The following XRCC4 variants were observed in gnomAD, a reference collection of about 807,000 sequenced individuals.
XRCC4 encodes the protein X-ray repair cross complementing 4, also known as DNA repair protein XRCC4.
A neutral mutation model predicts 39.1 loss-of-function variants in XRCC4; 28 were observed. That is an observed-to-expected ratio of 0.72 (90% CI 0.53 to 0.98). XRCC4 has a LOEUF of 0.98. Among genes scored for constraint, XRCC4 ranks in the 50% least tolerant of loss-of-function variants. The pLI, the probability that XRCC4 is intolerant of heterozygous loss-of-function variation, is 0.00. For synonymous variants in XRCC4, 123 were observed against 126.4 expected (o/e 0.97, Z 0.18); for missense variants, 350 against 376.4 (o/e 0.93, Z 0.58).
intron 7 of XRCC4, among the ~76,000 whole-genome samples, chr5:83,264,425 T>G (rs1179290445): frequency 6.6e-6 from 1 of 152,156 alleles, no homozygotes; most frequent in Non-Finnish European, 1.5e-5. Flanking sequence ...ATGTTTTTAT[T>G]ATTAATGTTA....
intron 6 of XRCC4, among the ~76,000 whole-genome samples, chr5:83,232,752 CA>C (rs1320677046): frequency 1.3e-5 from 2 of 151,618 alleles, no homozygotes; most frequent in African/African-American, 2.4e-5. Flanking sequence ...AATTTCTGGT[CA>C]AAAAAAATAA....
chr5:83,151,644 AT>A (rs1748708949), intron 3 of XRCC4, among the ~76,000 whole-genome samples: 1 of 152,280 alleles, frequency 6.6e-6, no homozygotes, highest in South Asian at 2.1e-4. Flanking sequence ...TGGATTGGGG[AT>A]AAAAATAAAT....
At chr5:83,264,102 G>A (rs1473242511) in intron 7 of XRCC4, among the ~76,000 whole-genome samples, 3 of 152,166 alleles carry the variant, frequency 2.0e-5, no homozygotes, top group Non-Finnish European at 4.4e-5. Context: ...ATAAGGTATT[G>A]TCTTCCTGAA....
rs529538530 is a variant in XRCC4, at chr5:83,272,721, C to T, written c.893+14044C>T. On this transcript the variant is annotated intron_variant, in intron 7 of 7. Transcript: ENST00000396027. The stretch of plus-strand genomic sequence containing the variant: ...GTTAGTTTGCTGAAAATGATAGTGT[C>T]CAACTTCATCCATGTCCCTGCAAAT... 1.1e-3 allele frequency among the ~76,000 whole-genome samples: 163 copies of T among 152,210 alleles called. 1 individual carries two copies. The highest frequency in any genetic ancestry group is 3.8e-3 in the African/African-American group (156 of 41,526).
At chr5:83,224,778 A>G (rs1752226335) in intron 6 of XRCC4, among the ~76,000 whole-genome samples, 1 of 152,136 alleles carries the variant, frequency 6.6e-6, no homozygotes, top group African/African-American at 2.4e-5. Flanking sequence ...GAATTATTCA[A>G]TTCAGATATA....
chr5:83,362,706 T>G, the XRCC4 span, among the ~76,000 whole-genome samples: 1 of 152,218 alleles, frequency 6.6e-6, no homozygotes, highest in Non-Finnish European at 1.5e-5. Context: ...TACCAGTAAC[T>G]TTCACGATTT....
intron 3 of XRCC4, among the ~76,000 whole-genome samples, chr5:83,120,695 G>A (rs1193840217): frequency 6.6e-6 from 1 of 152,176 alleles, no homozygotes; most frequent in Non-Finnish European, 1.5e-5. Context: ...AATATCTGGT[G>A]ATTTCAAGTT....
At chr5:83,213,140 T>C (rs1415482076) in intron 6 of XRCC4, among the ~76,000 whole-genome samples, 1 of 151,990 alleles carries the variant, frequency 6.6e-6, no homozygotes, top group Non-Finnish European at 1.5e-5. Flanking sequence ...TAACCAATAG[T>C]TTTATATCCA....
intron 3 of XRCC4, among the ~76,000 whole-genome samples, chr5:83,130,452 A>T (rs1160683787): frequency 6.6e-6 from 1 of 152,136 alleles, no homozygotes; most frequent in Admixed American, 6.6e-5. Flanking sequence ...TGTCTCTGCC[A>T]GGCTTTGGTA....
At chr5:83,164,301 A>C (rs1749355428) in intron 3 of XRCC4, among the ~76,000 whole-genome samples, 1 of 152,164 alleles carries the variant, frequency 6.6e-6, no homozygotes, top group African/African-American at 2.4e-5. Context: ...GTTGTGCCTC[A>C]GAGGAATTTT....
chr5:83,331,015 C>T (rs1756421815), intron 7 of XRCC4, among the ~76,000 whole-genome samples: 1 of 152,044 alleles, frequency 6.6e-6, no homozygotes, highest in African/African-American at 2.4e-5. Context: ...CCCTACCTAC[C>T]TCATCATTAA....
At chr5:83,102,796 A>G (rs760687940) in intron 1 of XRCC4, among the ~76,000 whole-genome samples, 1 of 151,820 alleles carries the variant, frequency 6.6e-6, no homozygotes, top group Non-Finnish European at 1.5e-5. Flanking sequence ...GTAACTTTAG[A>G]AGTCTGGTTT....
At chr5:83,218,290 T>C (rs1176248111) in intron 6 of XRCC4, among the ~76,000 whole-genome samples, 1 of 143,186 alleles carries the variant, frequency 7.0e-6, no homozygotes, top group African/African-American at 2.6e-5. Flanking sequence ...TGGTACATAC[T>C]CTGCAACATT....
intron 7 of XRCC4, among the ~76,000 whole-genome samples, chr5:83,351,892 T>G (rs1757095480): frequency 6.6e-6 from 1 of 152,174 alleles, no homozygotes; most frequent in South Asian, 2.1e-4. Context: ...TAAACACACT[T>G]GATATTTGGG....
At chr5:83,086,779 G>GT (rs199807130) in intron 1 of XRCC4, among the ~76,000 whole-genome samples, 2,708 of 149,004 alleles carry the variant, frequency 0.018, 69 homozygotes, top group African/African-American at 0.062. Context: ...TTTTTATCTA[G>GT]TTTTTTTTTT....
rs188108011 is a variant in XRCC4, at chr5:83,141,787, C to T, written c.315+30584C>T. Among the ~76,000 whole-genome samples the T allele has an allele frequency of 1.6e-3, 242 of 151,732 alleles. 1 individual carries two copies. Among genetic ancestry groups the T allele is most frequent in the African/African-American group, 4.9e-3 (204 of 41,366 alleles). The stretch of plus-strand genomic sequence containing the variant: ...ATTGTGCTTCTTTGGTGTTGGACTT[C>T]CCAAAATATTAATCTGGAACAGGTA... On this transcript the variant is annotated intron_variant, in intron 3 of 7. Transcript: ENST00000396027.
chr5:83,353,338 C>T lies in XRCC4; in HGVS notation c.*96C>T. ...AATTTCAAGTCAGCAGCCGCTATTA[C>T]CGTATCTTACAATTTAATTACATAC... On this transcript the variant is annotated 3_prime_UTR_variant, in exon 8 of 8. Coordinates refer to ENST00000396027, the MANE Select transcript of XRCC4 (RefSeq NM_003401.5). 2 of 927,886 alleles carry T rather than the reference C, an allele frequency of 2.2e-6. No individual in the cohort carries two copies. The highest frequency in any genetic ancestry group is 2.6e-4 in the Middle Eastern group (1 of 3,790). The allele number at this position is 927,886 out of a possible 1,614,324, so 57.5% of individuals were successfully genotyped here.
intron 7 of XRCC4, among the ~76,000 whole-genome samples, chr5:83,282,734 CG>C (rs1754590370): frequency 6.6e-6 from 1 of 151,778 alleles, no homozygotes; most frequent in African/African-American, 2.4e-5. Flanking sequence ...CCCAACTACT[CG>C]GGAGGCTGAG....
At chr5:83,139,482 A>C (rs551219910) in intron 3 of XRCC4, among the ~76,000 whole-genome samples, 2 of 152,208 alleles carry the variant, frequency 1.3e-5, no homozygotes, top group Non-Finnish European at 2.9e-5. Context: ...GAGATATTTT[A>C]AGAGAATACA....
Sources: allele counts gnomAD v4.1 joint callset (sites outside exome capture counted in the v4.1 genomes callset), GRCh38; gene constraint gnomAD v4.1.1; transcripts MANE v1.5; gene names NCBI Gene and HGNC (gene_info 2026-07-23, HGNC 2026-07-21).